Variants in ZNF536 observed in about 807,000 individuals in gnomAD.
ZNF536 encodes the protein zinc finger protein 536.
Under a neutral mutation model 84.5 loss-of-function variants are expected in ZNF536, and 13 were observed. The observed-to-expected ratio is 0.15, with a 90% CI of 0.10 to 0.24. ZNF536 has a LOEUF of 0.24. ZNF536 is among the 10% of genes least tolerant of loss of function. The pLI is 1.00. For synonymous variants in ZNF536, 811 were observed against 742.5 expected (o/e 1.09, Z -1.50); for missense variants, 1,536 against 1,747.5 (o/e 0.88, Z 2.16).
upstream of ZNF536, among the ~76,000 whole-genome samples, chr19:30,371,197 T>A (rs559766963): frequency 6.6e-6 from 1 of 152,346 alleles, no homozygotes; most frequent in African/African-American, 2.4e-5. Context: ...AAAATGACAA[T>A]CTGCCACCTC....
At chr19:30,627,143 G>A (rs1449205250) in intron 1 of ZNF536, among the ~76,000 whole-genome samples, 1 of 152,026 alleles carries the variant, frequency 6.6e-6, no homozygotes, top group Non-Finnish European at 1.5e-5. Flanking sequence ...GTTTCTGGGG[G>A]TAGATAAATG....
intron 1 of ZNF536, among the ~76,000 whole-genome samples, chr19:30,428,495 A>C (rs1383648361): frequency 6.6e-6 from 1 of 152,178 alleles, no homozygotes; most frequent in Non-Finnish European, 1.5e-5. Context: ...CAGTAAAGAG[A>C]TTCCTCATAG....
chr19:30,432,589 A>G (rs1187159979), intron 1 of ZNF536, among the ~76,000 whole-genome samples: 1 of 152,010 alleles, frequency 6.6e-6, no homozygotes, highest in African/African-American at 2.4e-5. Flanking sequence ...GCAAGGGGAG[A>G]CGAATGCCTT....
At chr19:30,600,847 A>T (rs2047657801) in intron 1 of ZNF536, among the ~76,000 whole-genome samples, 1 of 152,214 alleles carries the variant, frequency 6.6e-6, no homozygotes, top group Non-Finnish European at 1.5e-5. Flanking sequence ...GGCTTTAAGC[A>T]TTTCTGCCAA....
chr19:30,282,616 C>G (rs934391793), intron 1 of ZNF536, among the ~76,000 whole-genome samples: 2 of 152,152 alleles, frequency 1.3e-5, no homozygotes, highest in Non-Finnish European at 2.9e-5. Flanking sequence ...CTGCAACCCC[C>G]TCCCTAAACA....
Position 30,548,648 on chromosome 19 carries a change from C to T in ZNF536, c.3029C>T (p.Thr1010Met), listed in dbSNP as rs2146211027. ...WHGCLFCAFTTSSMELMALHL... is the reference protein window; with the variant it reads ...WHGCLFCAFTMSSMELMALHL... Reference sequence around the variant, plus strand: ...GGCTGCTTGTTTTGTGCTTTCACAACGTCCTCCATGGAGCTCATGGCCCTT... The same window carrying T: ...GGCTGCTTGTTTTGTGCTTTCACAATGTCCTCCATGGAGCTCATGGCCCTT... Residue 1010 changes from threonine (T) to methionine (M), a missense_variant, in exon 4 of 5, where the codon ACG becomes ATG. Coordinates refer to ENST00000355537, the MANE Select transcript of ZNF536 (RefSeq NM_014717.3). 3 of 1,614,122 alleles carry T rather than the reference C, an allele frequency of 1.9e-6. No individual in the cohort carries two copies. The highest frequency in any genetic ancestry group is 2.5e-6 in the Non-Finnish European group (3 of 1,180,038).
intron 1 of ZNF536, among the ~76,000 whole-genome samples, chr19:30,586,102 T>C (rs1267996886): frequency 1.3e-5 from 2 of 152,240 alleles, no homozygotes; most frequent in African/African-American, 4.8e-5. Context: ...TTAATAGCTA[T>C]GTATATTTGG....
chr19:30,687,077 G>A (rs749265694), intron 1 of ZNF536, among the ~76,000 whole-genome samples: 64 of 152,148 alleles, frequency 4.2e-4, no homozygotes, highest in Admixed American at 1.2e-3. Flanking sequence ...CTGTGATACT[G>A]TGGGCAAGAC....
Position 30,526,529 on chromosome 19 carries a change from C to G in ZNF536, c.2171-8318C>G, listed in dbSNP as rs546692050. 1.2e-4 allele frequency among the ~76,000 whole-genome samples: 15 copies of G among 127,396 alleles called. 1 individual carries two copies. The highest frequency in any genetic ancestry group is 3.8e-4 in the African/African-American group (15 of 39,518). 83.6% of individuals were successfully genotyped at this position (127,396 alleles called of 152,430 possible). ...CACGAGGTCAGGAGATCGAGACCAT[C>G]CCGGCTAAAACGGTGAAACCCCGTC... On this transcript the variant is annotated intron_variant, in intron 2 of 4. Coordinates refer to ENST00000355537, the MANE Select transcript of ZNF536 (RefSeq NM_014717.3).
chr19:30,396,730 G>A (rs1238726378), intron 1 of ZNF536, among the ~76,000 whole-genome samples: 3 of 151,566 alleles, frequency 2.0e-5, no homozygotes, highest in Non-Finnish European at 4.4e-5. Context: ...TCAGTCTCCC[G>A]AGTAGCTGAG....
In ZNF536 at chr19:30,467,585, A is replaced by G. The variant is rs528742820; in HGVS notation, c.2170+21853A>G. 2.6e-5 allele frequency among the ~76,000 whole-genome samples: 4 copies of G among 152,256 alleles called. No homozygotes were observed. In the East Asian group the frequency reaches 7.7e-4, roughly 29 times the overall value. ...AAATGAATGACGACAAGGAGGGTGG[A>G]TCTCTGCCTCCCTTCCCCTGCACAA... On this transcript the variant is annotated intron_variant, in intron 2 of 4. Transcript: ENST00000355537.
chr19:30,661,924 T>C lies in ZNF536; in HGVS notation c.170-48833T>C, dbSNP rs141925711. Among the ~76,000 whole-genome samples, 7 of 152,078 alleles carry C rather than the reference T, an allele frequency of 4.6e-5. No individual in the cohort carries two copies. The East Asian group carries it at 1.3e-3, about 29-fold the overall frequency. On this transcript the variant is annotated intron_variant, in intron 1 of 1. Transcript: ENST00000592773. Reference sequence around the variant, plus strand: ...ATGGCCAGTGGTTTTTTTCTAGATATGGAGATGGTGGGAGATCATTCTTTG... The same window carrying C: ...ATGGCCAGTGGTTTTTTTCTAGATACGGAGATGGTGGGAGATCATTCTTTG...
At position 30,294,265 on chromosome 19, in the gene ZNF536, G is replaced by A. The variant is rs373773409; in HGVS notation, c.-120+10124G>A. ...TATTTGCTGAGGTGGCCGTGAAGGG[G>A]TGCATGTGTTGAATTTTCCCTACCC... On this transcript the variant is annotated intron_variant, in intron 2 of 5. Transcript: ENST00000585628. Among the ~76,000 whole-genome samples the A allele has an allele frequency of 2.0e-5, 3 of 152,092 alleles. 1 individual carries two copies. In the South Asian group the frequency reaches 6.2e-4, roughly 32 times the overall value.
At chr19:30,255,442 C>T (rs1217072502) in intron 1 of ZNF536, among the ~76,000 whole-genome samples, 1 of 151,910 alleles carries the variant, frequency 6.6e-6, no homozygotes, top group Non-Finnish European at 1.5e-5. Context: ...CTAAAGAACA[C>T]GGGTTCGGGT....
intron 2 of ZNF536, among the ~76,000 whole-genome samples, chr19:30,308,552 G>A (rs1199926930): frequency 6.6e-6 from 1 of 152,124 alleles, no homozygotes; most frequent in African/African-American, 2.4e-5. Flanking sequence ...GGGCAGTGAG[G>A]GAGGGGATGG....
chr19:30,513,791 T>C (rs1215126176), intron 2 of ZNF536, among the ~76,000 whole-genome samples: 2 of 152,136 alleles, frequency 1.3e-5, no homozygotes, highest in African/African-American at 4.8e-5. Flanking sequence ...AAGGTCCTGG[T>C]GGGAAGATTG....
chr19:30,701,013 C>G (rs1273414754), intron 1 of ZNF536, among the ~76,000 whole-genome samples: 1 of 152,174 alleles, frequency 6.6e-6, no homozygotes, highest in Non-Finnish European at 1.5e-5. Context: ...CACTTGATCA[C>G]CTGCTCCCTT....
chr19:30,503,175 A>C (rs1431330696), intron 2 of ZNF536, among the ~76,000 whole-genome samples: 1 of 152,218 alleles, frequency 6.6e-6, no homozygotes, highest in East Asian at 1.9e-4. Context: ...ACACACACAC[A>C]CACACACACT....
chr19:30,234,753 A>ACG (rs1420781627), intron 1 of ZNF536, among the ~76,000 whole-genome samples: 1 of 123,426 alleles, frequency 8.1e-6, no homozygotes, highest in Non-Finnish European at 1.6e-5. Flanking sequence ...TTACACACAC[A>ACG]CACACACACA....
Sources: gnomAD v4.1 joint callset for allele counts (sites outside exome capture counted in the v4.1 genomes callset) on GRCh38, gnomAD v4.1.1 for gene constraint, MANE v1.5 for transcripts, NCBI Gene and HGNC (gene_info 2026-07-23, HGNC 2026-07-21) for gene names.